The following ROBO1 variants were observed in gnomAD, a reference collection of about 807,000 sequenced individuals.
The protein encoded by ROBO1 is roundabout guidance receptor 1.
In ROBO1, 149 loss-of-function variants were observed where a neutral mutation model predicts 195.9. The ratio of observed to expected loss-of-function variants is 0.76; its 90% CI spans 0.67 to 0.87. The LOEUF is 0.87. Ranked by LOEUF, ROBO1 falls within the 40% of genes least tolerant of loss-of-function variation. ROBO1 has a pLI of 0.00. For synonymous variants in ROBO1, 816 were observed against 733.2 expected, an observed-to-expected ratio of 1.11 and a Z score of -1.82; for missense variants, 1,933 against 2,068.3, an observed-to-expected ratio of 0.93 and a Z score of 1.27.
chr3:78,991,812 G>C (rs1253524979), intron 3 of ROBO1, among the ~76,000 whole-genome samples: 1 of 152,012 alleles, frequency 6.6e-6, no homozygotes, highest in Non-Finnish European at 1.5e-5. Flanking sequence ...GAGATGGAAG[G>C]GCCAAATTTA....
chr3:79,260,723 T>C (rs1015227211), intron 2 of ROBO1, among the ~76,000 whole-genome samples: 6 of 152,130 alleles, frequency 3.9e-5, no homozygotes, highest in Admixed American at 2.0e-4. Context: ...CAATGCTGTC[T>C]TCTGCTCAAT....
intron 3 of ROBO1, among the ~76,000 whole-genome samples, chr3:79,075,764 T>C (rs1034410931): frequency 3.3e-5 from 5 of 151,978 alleles, no homozygotes; most frequent in African/African-American, 1.2e-4. Flanking sequence ...TTTAGCTCCA[T>C]TGTGTTTCAC....
intron 3 of ROBO1, among the ~76,000 whole-genome samples, chr3:79,037,261 T>A (rs1160395655): frequency 6.6e-6 from 1 of 152,192 alleles, no homozygotes; most frequent in Non-Finnish European, 1.5e-5. Context: ...TAGAATACAA[T>A]GACACTCATC....
chr3:78,607,140 C>T (rs566295932), intron 28 of ROBO1, 99 bp from the exon 29 acceptor site: 26 of 1,165,938 alleles, frequency 2.2e-5, no homozygotes, highest in Non-Finnish European at 3.0e-5. Flanking sequence ...CTACGAGATA[C>T]TATATCTTAG....
At chr3:79,158,742 G>A (rs1308152974) in intron 2 of ROBO1, among the ~76,000 whole-genome samples, 1 of 151,526 alleles carries the variant, frequency 6.6e-6, no homozygotes, top group Non-Finnish European at 1.5e-5. Flanking sequence ...CTATTTCATT[G>A]TGTTATTCTG....
chr3:78,623,045 C>A (rs1468359299), intron 26 of ROBO1, among the ~76,000 whole-genome samples: 1 of 152,124 alleles, frequency 6.6e-6, no homozygotes, highest in African/African-American at 2.4e-5. Context: ...TACTTTAGGT[C>A]ACTACATTTT....
intron 3 of ROBO1, among the ~76,000 whole-genome samples, chr3:79,078,363 A>T (rs1347749225): frequency 6.6e-6 from 1 of 151,800 alleles, no homozygotes; most frequent in Non-Finnish European, 1.5e-5. Context: ...TCTAGTGACT[A>T]CCACATACTC....
chr3:79,728,935 T>A (rs1426534574), intron 1 of ROBO1, among the ~76,000 whole-genome samples: 2 of 152,180 alleles, frequency 1.3e-5, no homozygotes, highest in African/African-American at 2.4e-5. Context: ...GCTAGCTATT[T>A]TAGGAAATTT....
chr3:79,663,226 A>T (rs896143254), intron 1 of ROBO1, among the ~76,000 whole-genome samples: 3 of 152,062 alleles, frequency 2.0e-5, no homozygotes, highest in East Asian at 3.9e-4. Flanking sequence ...TACTTATTTG[A>T]AAAAGCCACA....
intron 8 of ROBO1, among the ~76,000 whole-genome samples, chr3:78,699,875 A>T (rs986972616): frequency 6.6e-6 from 1 of 152,096 alleles, no homozygotes; most frequent in Non-Finnish European, 1.5e-5. Context: ...ATTACTATTC[A>T]GTCTTTAGAG....
rs1575752387 is a variant in ROBO1 at position 79,382,076 on chromosome 3, C to T, written c.88+207748G>A. 2.6e-5 allele frequency among the ~76,000 whole-genome samples: 4 copies of T among 152,088 alleles called. No individual in the cohort carries two copies. In the East Asian group the frequency reaches 7.7e-4, roughly 29 times the overall value. On this transcript the variant is annotated intron_variant, in intron 2 of 30. Transcript: ENST00000464233. ...CTAACACCTGAATTATTGAATCTTT[C>T]ATCAGGGATGAAGATAAAGCACGAT...
chr3:78,801,001 C>T (rs921392962), intron 4 of ROBO1, among the ~76,000 whole-genome samples: 2 of 152,168 alleles, frequency 1.3e-5, no homozygotes, highest in Non-Finnish European at 2.9e-5. Flanking sequence ...CTGAATTCCA[C>T]ACCACTTCAG....
At chr3:79,373,898 C>T (rs1347525183) in intron 2 of ROBO1, among the ~76,000 whole-genome samples, 1 of 152,172 alleles carries the variant, frequency 6.6e-6, no homozygotes, top group African/African-American at 2.4e-5. Context: ...AAGCAATCAG[C>T]TGATTACTGT....
intron 2 of ROBO1, among the ~76,000 whole-genome samples, chr3:79,252,822 A>G (rs1176489677): frequency 6.6e-6 from 1 of 152,154 alleles, no homozygotes; most frequent in Non-Finnish European, 1.5e-5. Flanking sequence ...TGCAGGCCAC[A>G]CAGAAGTACG....
rs1705810686 is a variant in ROBO1, at chr3:78,639,736, T to C, written c.3037+8A>G. 3 of 1,610,816 alleles carry C rather than the reference T, an allele frequency of 1.9e-6. No individual in the cohort carries two copies. In the South Asian group the frequency reaches 3.3e-5, roughly 18 times the overall value. ...TTATACATATCAGGCTCTCTCTGTG[T>C]CCCTAACCTGGGCGACTGTAGGTAG... is the stretch of plus-strand genomic sequence containing the variant. On this transcript the variant is annotated splice_region_variant and intron_variant, in intron 22 of 30. Coordinates refer to ENST00000464233, the MANE Select transcript of ROBO1 (RefSeq NM_002941.4).
chr3:78,778,759 A>T (rs2083580203), intron 4 of ROBO1, among the ~76,000 whole-genome samples: 1 of 152,172 alleles, frequency 6.6e-6, no homozygotes, highest in Admixed American at 6.5e-5. Context: ...AGAATTAGAA[A>T]AAACTAAATT....
intron 3 of ROBO1, among the ~76,000 whole-genome samples, chr3:79,005,784 G>A (rs750046121): frequency 1.3e-5 from 2 of 151,986 alleles, no homozygotes; most frequent in Non-Finnish European, 2.9e-5. Context: ...TTCATTTCTG[G>A]TTAATATTCA....
At chr3:79,552,824 A>G (rs1481729119) in intron 2 of ROBO1, among the ~76,000 whole-genome samples, 1 of 152,088 alleles carries the variant, frequency 6.6e-6, no homozygotes, top group Admixed American at 6.6e-5. Context: ...CATTTTGTAA[A>G]CTTTCACACT....
chr3:79,519,305 C>T (rs560859921), intron 2 of ROBO1, among the ~76,000 whole-genome samples: 1 of 152,136 alleles, frequency 6.6e-6, no homozygotes, highest in African/African-American at 2.4e-5. Context: ...GTGGCCAAAC[C>T]TGATATTGAT....
Sources: gnomAD v4.1 joint callset for allele counts (sites outside exome capture counted in the v4.1 genomes callset) on GRCh38, gnomAD v4.1.1 for gene constraint, MANE v1.5 for transcripts, NCBI Gene and HGNC (gene_info 2026-07-23, HGNC 2026-07-21) for gene names.